The following MLLT10 variants were observed in gnomAD, a reference collection of about 807,000 sequenced individuals.
MLLT10 encodes the protein MLLT10 histone lysine methyltransferase DOT1L cofactor, also known as protein AF-10.
Under a neutral mutation model 129.1 loss-of-function variants are expected in MLLT10, and 30 were observed. The observed-to-expected ratio is 0.23, with a 90% CI of 0.17 to 0.32. MLLT10 has a LOEUF of 0.32. Ranked by LOEUF, MLLT10 falls within the 10% of genes least tolerant of loss-of-function variation. MLLT10 has a pLI of 1.00. For synonymous variants in MLLT10, 490 were observed against 446.4 expected, an observed-to-expected ratio of 1.10 and a Z score of -1.23; for missense variants, 1,119 against 1,268.3, an observed-to-expected ratio of 0.88 and a Z score of 1.79.
chr10:21,650,057 C>T (rs1343264915), intron 8 of MLLT10, among the ~76,000 whole-genome samples: 1 of 152,114 alleles, frequency 6.6e-6, no homozygotes, highest in Admixed American at 6.5e-5. Context: ...AGACCCCTGT[C>T]TCTACAAAAA....
chr10:21,733,476 G>C, intron 18 of MLLT10, 28 bp from the exon 19 acceptor site: 1 of 1,350,580 alleles, frequency 7.4e-7, no homozygotes, highest in Middle Eastern at 2.3e-4. Context: ...AGGGTAAATA[G>C]GTTTCTTTTT....
chr10:21,650,396 T>G (rs1207150407), intron 8 of MLLT10, among the ~76,000 whole-genome samples: 10 of 152,142 alleles, frequency 6.6e-5, no homozygotes, highest in Non-Finnish European at 1.5e-4. Context: ...ACATTTACTG[T>G]TGCTGAAGTA....
Position 21,742,903 on chromosome 10 carries a change from T to C in MLLT10, c.*920T>C. ...TTCCGCCTTTATTCAGAACTTTCTG[T>C]GCCACTGTAGATAGCTCAGGCAAAA... is the stretch of plus-strand genomic sequence containing the variant. On this transcript the variant is annotated 3_prime_UTR_variant, in exon 23 of 23. Transcript: ENST00000307729. The C allele has an allele frequency of 4.4e-6, 1 of 228,898 alleles. No individual in the cohort carries two copies. 14.2% of individuals were successfully genotyped at this position (228,898 alleles called of 1,614,324 possible).
intron 5 of MLLT10, among the ~76,000 whole-genome samples, chr10:21,607,293 A>C (rs1467046790): frequency 6.6e-6 from 1 of 151,734 alleles, no homozygotes; most frequent in East Asian, 1.9e-4. Flanking sequence ...TATGTTGTTA[A>C]ACTTATTGTT....
At chr10:21,642,656 CAA>C (rs374427646) in intron 8 of MLLT10, among the ~76,000 whole-genome samples, 24 of 99,636 alleles carry the variant, frequency 2.4e-4, no homozygotes, top group Admixed American at 2.0e-4. Flanking sequence ...GACTCTGTCT[CAA>C]AAAAAAAAAA....
Position 21,638,839 on chromosome 10 carries a change from AT to A in MLLT10, c.700-12832del, listed in dbSNP as rs1431056600. Among the ~76,000 whole-genome samples the A allele has an allele frequency of 6.6e-5, 10 of 152,144 alleles. 1 individual carries two copies. Among genetic ancestry groups the A allele is most frequent in the African/African-American group, 2.4e-4 (10 of 41,444 alleles). On this transcript the variant is annotated intron_variant, in intron 8 of 22. Coordinates refer to ENST00000307729, the MANE Select transcript of MLLT10 (RefSeq NM_001195626.3). ...GGGTAGAAATGAAGCTGACTGCCAG[AT>A]TGGTGAGGAAGTCCTCTCCACCTAA...
intron 5 of MLLT10, among the ~76,000 whole-genome samples, chr10:21,609,454 C>A (rs1013724435): frequency 6.6e-6 from 1 of 152,158 alleles, no homozygotes; most frequent in South Asian, 2.1e-4. Flanking sequence ...TGTACTGTAG[C>A]CCCCTGAGCT....
intron 3 of MLLT10, among the ~76,000 whole-genome samples, chr10:21,579,469 T>G (rs1259154660): frequency 6.6e-6 from 1 of 152,018 alleles, no homozygotes; most frequent in Non-Finnish European, 1.5e-5. Context: ...TGGTTATGCA[T>G]GTGAGACCTT....
intron 13 of MLLT10, among the ~76,000 whole-genome samples, chr10:21,709,103 A>G (rs1337369412): frequency 5.3e-5 from 8 of 152,224 alleles, no homozygotes; most frequent in East Asian, 1.9e-4. Flanking sequence ...GTCTAAGTCA[A>G]AAGCCTCTGC....
Position 21,734,015 on chromosome 10 carries a change from C to A in MLLT10, c.2744C>A (p.Ala915Asp). The stretch of plus-strand genomic sequence containing the variant: ...CTGGCAATTAATGGCATTGTAGGAG[C>A]TTTAAATGGGGTTATGCAGACTCCT... ...NQLAINGIVG[A>D]LNGVMQTPVT... The change falls in exon 20 of 23, where the codon GCT becomes GAT. Residue 915 changes from alanine (A) to aspartate (D), a missense_variant. Coordinates refer to ENST00000307729, the MANE Select transcript of MLLT10 (RefSeq NM_001195626.3). The A allele has an allele frequency of 6.2e-7, 1 of 1,614,178 alleles. No individual in the cohort carries two copies. Among genetic ancestry groups the A allele is most frequent in the African/African-American group, 1.3e-5 (1 of 75,028 alleles).
At chr10:21,595,681 C>T (rs959445084) in intron 5 of MLLT10, 2 of 365,502 alleles carry the variant, frequency 5.5e-6, no homozygotes, top group African/African-American at 2.0e-5. Context: ...CTACGATATA[C>T]AGGATATTTT....
At chr10:21,731,166 C>T in intron 17 of MLLT10, 112 bp downstream of exon 17, 1 of 969,018 alleles carries the variant, frequency 1.0e-6, no homozygotes, top group Non-Finnish European at 1.5e-6. Flanking sequence ...TTATGATATA[C>T]ATTTTATATA....
intron 21 of MLLT10, among the ~76,000 whole-genome samples, chr10:21,739,490 C>T (rs1011977776): frequency 2.6e-5 from 4 of 152,324 alleles, no homozygotes; most frequent in African/African-American, 9.6e-5. Flanking sequence ...TTTCCCTTGA[C>T]GCAGAGCAGT....
At chr10:21,720,277 A>C (rs1219079046) in intron 14 of MLLT10, among the ~76,000 whole-genome samples, 1 of 152,214 alleles carries the variant, frequency 6.6e-6, no homozygotes, top group Admixed American at 6.5e-5. Flanking sequence ...ATAATGTGGA[A>C]TGATGCAATT....
intron 8 of MLLT10, among the ~76,000 whole-genome samples, chr10:21,642,696 TTTA>T (rs372446536): frequency 1.6e-3 from 241 of 152,076 alleles, no homozygotes; most frequent in Middle Eastern, 6.8e-3. Flanking sequence ...TAACTTCTAT[TTTA>T]TTATCCTGAT....
At chr10:21,644,423 C>T (rs1313650125) in intron 8 of MLLT10, among the ~76,000 whole-genome samples, 1 of 151,932 alleles carries the variant, frequency 6.6e-6, no homozygotes, top group Non-Finnish European at 1.5e-5. Context: ...TTTCTGAAGC[C>T]TGTGGGAATG....
At chr10:21,568,303 C>T (rs1243657762) in intron 3 of MLLT10, among the ~76,000 whole-genome samples, 1 of 152,272 alleles carries the variant, frequency 6.6e-6, no homozygotes, top group East Asian at 1.9e-4. Flanking sequence ...AGAGAAAATT[C>T]GTTTTATTTA....
intron 22 of MLLT10, among the ~76,000 whole-genome samples, chr10:21,741,511 T>C (rs965249394): frequency 9.9e-5 from 15 of 152,094 alleles, no homozygotes; most frequent in South Asian, 6.2e-4. Context: ...TCTTTAATAA[T>C]AGGCTGTAAC....
intron 9 of MLLT10, among the ~76,000 whole-genome samples, chr10:21,659,747 G>A (rs1212805068): frequency 6.6e-6 from 1 of 152,058 alleles, no homozygotes; most frequent in Non-Finnish European, 1.5e-5. Context: ...CTGAGCTCAG[G>A]TGATCCACCC....
Sources: allele counts gnomAD v4.1 joint callset (sites outside exome capture counted in the v4.1 genomes callset), GRCh38; gene constraint gnomAD v4.1.1; transcripts MANE v1.5; gene names NCBI Gene and HGNC (gene_info 2026-07-23, HGNC 2026-07-21).